SEC13: variants seen among roughly 807,000 people sequenced by gnomAD.
The protein encoded by SEC13 is protein SEC13 homolog.
In SEC13, 25 loss-of-function variants were observed where a neutral mutation model predicts 49.2. The observed-to-expected ratio is 0.51, with a 90% CI of 0.37 to 0.71. The LOEUF is 0.71. SEC13 is among the 30% of genes least tolerant of loss of function. The probability of loss-of-function intolerance (pLI) is 0.00; values close to 1 mark genes in which losing one functional copy is unlikely to be tolerated. For synonymous variants in SEC13, 148 were observed against 163.9 expected (o/e 0.90, Z 0.74); for missense variants, 383 against 417.6 (o/e 0.92, Z 0.72).
chr3:10,310,484 C>A (rs1331778141), intron 5 of SEC13, among the ~76,000 whole-genome samples: 1 of 152,046 alleles, frequency 6.6e-6, no homozygotes, highest in African/African-American at 2.4e-5. Context: ...GAGCAAGCCT[C>A]CGTCTCAAAA....
intron 3 of SEC13, chr3:10,313,326 C>T (rs1701400574): frequency 6.7e-6 from 3 of 446,662 alleles, no homozygotes; most frequent in East Asian, 5.7e-5. Flanking sequence ...AGGTTTTGCA[C>T]CTTAGCACTC....
rs1285430916 is a variant in SEC13, at chr3:10,303,581, C to T, written c.855+445G>A. On this transcript the variant is annotated intron_variant, in intron 8 of 8. Coordinates refer to ENST00000350697, the MANE Select transcript of SEC13 (RefSeq NM_183352.3). Reference sequence around the variant, plus strand: ...CACCCACTGTGTACCTGCCTCTTACCAGCATAACAAGTATTCATAAACTCT... The same window carrying T: ...CACCCACTGTGTACCTGCCTCTTACTAGCATAACAAGTATTCATAAACTCT... The T allele has an allele frequency of 1.6e-5, 4 of 250,164 alleles. No individual in the cohort carries two copies. In the East Asian group the frequency reaches 4.1e-4, roughly 25 times the overall value. 15.5% of individuals were successfully genotyped at this position (250,164 alleles called of 1,614,324 possible).
chr3:10,319,243 C>T, intron 1 of SEC13: 1 of 1,613,084 alleles, frequency 6.2e-7, no homozygotes, highest in South Asian at 1.1e-5. Flanking sequence ...CAAAGCAGTT[C>T]AAGAGGTACA....
In SEC13 at chr3:10,312,575, A is replaced by G. The variant is rs1701344183; in HGVS notation, c.316+4T>C. ...TGCCCGCTCTGCTGCCAAGCTCAGCATACCTGAGGAGTCGTGTCCCGCATG... is the reference window on the plus strand; with the variant it reads ...TGCCCGCTCTGCTGCCAAGCTCAGCGTACCTGAGGAGTCGTGTCCCGCATG... On this transcript the variant is annotated splice_donor_region_variant and intron_variant, in intron 4 of 8. Transcript: ENST00000350697. The G allele has an allele frequency of 3.1e-6, 5 of 1,614,140 alleles. No individual in the cohort carries two copies. In the African/African-American group the frequency reaches 5.3e-5, roughly 17 times the overall value.
chr3:10,314,381 T>G (rs1271638003), intron 3 of SEC13, among the ~76,000 whole-genome samples: 1 of 152,232 alleles, frequency 6.6e-6, no homozygotes, highest in African/African-American at 2.4e-5. Flanking sequence ...TAATAACCAC[T>G]GTAATTTCAA....
intron 5 of SEC13, among the ~76,000 whole-genome samples, chr3:10,310,147 G>GC (rs953179915): frequency 2.0e-5 from 3 of 152,058 alleles, no homozygotes; most frequent in Admixed American, 6.6e-5. Context: ...TTCTCCAAAG[G>GC]CCCCCAGAAG....
chr3:10,302,703 C>A (rs1039137274), intron 8 of SEC13, among the ~76,000 whole-genome samples: 10 of 152,130 alleles, frequency 6.6e-5, no homozygotes, highest in Non-Finnish European at 1.5e-5. Flanking sequence ...CCAGAAAAGC[C>A]GCCTGCAGAG....
intron 3 of SEC13, chr3:10,313,029 CTGTA>C (rs1701380383): frequency 5.6e-6 from 2 of 354,584 alleles, no homozygotes; most frequent in Middle Eastern, 8.1e-4. Flanking sequence ...CCAGCACTGT[CTGTA>C]TGTGCTGTCT....
At position 10,311,400 on chromosome 3, in the gene SEC13, G is replaced by A. The variant is rs371776738; in HGVS notation, c.450+565C>T. ...ATACAGATGCATGACAGCAAACGAT[G>A]TGGCATTAGTCATATGAGCCCCCCA... On this transcript the variant is annotated intron_variant, in intron 5 of 8. Coordinates refer to ENST00000350697, the MANE Select transcript of SEC13 (RefSeq NM_183352.3). 1.2e-4 allele frequency among the ~76,000 whole-genome samples: 19 copies of A among 152,312 alleles called. No individual in the cohort carries two copies. In the Middle Eastern group the frequency reaches 0.01, roughly 82 times the overall value.
At chr3:10,309,636 T>C (rs1442849566) in intron 5 of SEC13, among the ~76,000 whole-genome samples, 1 of 152,246 alleles carries the variant, frequency 6.6e-6, no homozygotes, top group Non-Finnish European at 1.5e-5. Flanking sequence ...GAATGTCACC[T>C]GGCTTGATTT....
intron 5 of SEC13, among the ~76,000 whole-genome samples, chr3:10,310,356 T>G (rs1284786815): frequency 6.6e-6 from 1 of 152,106 alleles, no homozygotes; most frequent in Non-Finnish European, 1.5e-5. Context: ...CCGGGTGTTG[T>G]GGCGTGTGCC....
chr3:10,304,942 C>G, intron 7 of SEC13, 91 bp downstream of exon 7: 1 of 1,592,438 alleles, frequency 6.3e-7, no homozygotes, highest in Non-Finnish European at 8.6e-7. Flanking sequence ...CTCCCTTTAC[C>G]TTCCCAGAGG....
chr3:10,308,567 C>T (rs1049391722), intron 5 of SEC13, among the ~76,000 whole-genome samples: 1 of 152,108 alleles, frequency 6.6e-6, no homozygotes, highest in Non-Finnish European at 1.5e-5. Flanking sequence ...AGTCAATTTT[C>T]CTGGTTATAA....
intron 5 of SEC13, chr3:10,311,438 T>G (rs1701247702): frequency 6.3e-6 from 1 of 158,766 alleles, no homozygotes; most frequent in Non-Finnish European, 1.4e-5. Flanking sequence ...TTGGTTATTG[T>G]TGGTTTTTGA....
In SEC13 at chr3:10,305,089, C is replaced by T. The variant is rs763895476; in HGVS notation, c.652G>A (p.Val218Met). Residue 218 changes from valine (V) to methionine (M), a missense_variant, in exon 7 of 9, where the codon GTG becomes ATG. By Grantham distance (21) the Val-to-Met change is conservative. Coordinates refer to ENST00000350697, the MANE Select transcript of SEC13 (RefSeq NM_183352.3). ...LEAHSDWVRD[V>M]AWAPSIGLPT... Reference sequence around the variant, plus strand: ...AGGCCGATGGAGGGGGCCCAGGCCACATCTCGAACCCAGTCACTGTGCGCT... The same window carrying T: ...AGGCCGATGGAGGGGGCCCAGGCCATATCTCGAACCCAGTCACTGTGCGCT... 1 of 1,614,146 alleles carries T rather than the reference C, an allele frequency of 6.2e-7. No individual in the cohort carries two copies. The highest frequency in any genetic ancestry group is 8.5e-7 in the Non-Finnish European group (1 of 1,180,026).
rs576085073 is a variant in SEC13 at position 10,307,146 on chromosome 3, G to A, written c.451-1454C>T. Among the ~76,000 whole-genome samples, 708 of 151,666 alleles carry A rather than the reference G, an allele frequency of 4.7e-3. 4 individuals are homozygous for A. The highest frequency in any genetic ancestry group is 0.017 in the Middle Eastern group (5 of 294). On this transcript the variant is annotated intron_variant, in intron 5 of 8. Coordinates refer to ENST00000350697, the MANE Select transcript of SEC13 (RefSeq NM_183352.3). The stretch of plus-strand genomic sequence containing the variant: ...ATGGTTCACTGCAGCCTCAAACTTC[G>A]TAGGCTCAAGTGATCCTCCCACCTC...
intron 5 of SEC13, among the ~76,000 whole-genome samples, chr3:10,306,805 G>GT (rs1700905319): frequency 6.6e-6 from 1 of 152,184 alleles, no homozygotes; most frequent in Non-Finnish European, 1.5e-5. Flanking sequence ...TGCCATCCAC[G>GT]TAAGCTGTGA....
intron 5 of SEC13, among the ~76,000 whole-genome samples, chr3:10,311,040 AAAC>A (rs1240993296): frequency 1.2e-3 from 179 of 152,092 alleles, no homozygotes; most frequent in African/African-American, 2.9e-3. Context: ...AAAAAAAAAA[AAAC>A]AACTCCCAGC....
At chr3:10,320,588 G>A (rs1339531560) in intron 1 of SEC13, 1 of 990,248 alleles carries the variant, frequency 1.0e-6, no homozygotes, top group Non-Finnish European at 1.2e-6. Context: ...TGGTTAGGAG[G>A]GTTCAAATCT....
Sources: allele counts gnomAD v4.1 joint callset (sites outside exome capture counted in the v4.1 genomes callset), GRCh38; gene constraint gnomAD v4.1.1; transcripts MANE v1.5; gene names NCBI Gene and HGNC (gene_info 2026-07-23, HGNC 2026-07-21).